PSMC6: variants seen among roughly 807,000 people sequenced by gnomAD.
PSMC6 encodes 26S proteasome regulatory subunit 10B.
In PSMC6, 3 loss-of-function variants were observed where a neutral mutation model predicts 55.9. The ratio of observed to expected loss-of-function variants is 0.05; its 90% CI spans 0.02 to 0.14. The LOEUF (loss-of-function observed/expected upper bound fraction) is 0.14, where lower values mean the gene tolerates loss of function less well. Among genes scored for constraint, PSMC6 ranks in the 10% least tolerant of loss-of-function variants. The probability of loss-of-function intolerance (pLI) is 1.00; values close to 1 mark genes in which losing one functional copy is unlikely to be tolerated. For missense variants in PSMC6, 210 were observed against 478.7 expected, an observed-to-expected ratio of 0.44 and a Z score of 5.24; for synonymous variants, 137 against 155.9, an observed-to-expected ratio of 0.88 and a Z score of 0.90.
chr14:52,721,361 G>C, intron 12 of PSMC6, 171 bp downstream of exon 12: 1 of 548,208 alleles, frequency 1.8e-6, no homozygotes, highest in Non-Finnish European at 3.2e-6. Context: ...CATTGTAAGT[G>C]TTTTGTAAGG....
In PSMC6 at chr14:52,707,419, G is replaced by C. The variant is rs1221273717; in HGVS notation, c.85+115G>C. On this transcript the variant is annotated intron_variant, in intron 1 of 13. Transcript: ENST00000445930. ...GAGCCTTAGAGATGACCAGGCCTAGGGCCAGGGACAAGGCGCTTTGTCATC... is the reference window on the plus strand; with the variant it reads ...GAGCCTTAGAGATGACCAGGCCTAGCGCCAGGGACAAGGCGCTTTGTCATC... 7 of 1,408,944 alleles carry C rather than the reference G, an allele frequency of 5.0e-6. No homozygotes were observed. The African/African-American group carries it at 1.0e-4, about 20-fold the overall frequency. The allele number at this position is 1,408,944 out of a possible 1,614,324, so 87.3% of individuals were successfully genotyped here.
Position 52,707,250 on chromosome 14 carries a change from G to T in PSMC6, c.31G>T (p.Asp11Tyr). The T allele has an allele frequency of 6.2e-7, 1 of 1,614,122 alleles. No individual in the cohort carries two copies. Among genetic ancestry groups the T allele is most frequent in the Non-Finnish European group, 8.5e-7 (1 of 1,180,018 alleles). The change falls in exon 1 of 14, where the codon GAC becomes TAC. Residue 11 changes from aspartate (D) to tyrosine (Y), a missense_variant. Asp to Tyr is a radical substitution (Grantham distance 160). Around this residue, in one of 4 missense-constraint regions of PSMC6, gnomAD observed 26 missense variants for 16.9 expected, o/e 1.54. Transcript: ENST00000445930. MADPRDKALQ[D>Y]YRKKLLEHKE... ...GGACCCTAGAGATAAGGCGCTTCAG[G>T]ACTACCGCAAGAAGTTGCTTGAACA... is the stretch of plus-strand genomic sequence containing the variant.
chr14:52,712,647 G>A (rs1479580729), intron 6 of PSMC6, among the ~76,000 whole-genome samples: 1 of 151,806 alleles, frequency 6.6e-6, no homozygotes. Context: ...TTTTGAGACA[G>A]GGTCTGGTTC....
chr14:52,720,795 A>G, intron 10 of PSMC6, 66 bp from the exon 11 acceptor site: 7 of 1,311,924 alleles, frequency 5.3e-6, no homozygotes, highest in Non-Finnish European at 7.5e-6. Context: ...TTAGACATAT[A>G]AAAGGTGTGT....
Position 52,727,858 on chromosome 14 carries a change from T to C in PSMC6, c.*241T>C. ...AAGTGTTGAAGCTTTTCATATTTGC[T>C]GCGTGAGCATTTTGTAAAATATTGA... is the stretch of plus-strand genomic sequence containing the variant. On this transcript the variant is annotated 3_prime_UTR_variant, in exon 14 of 14. Coordinates refer to ENST00000445930, the MANE Select transcript of PSMC6 (RefSeq NM_002806.5). 1 of 342,354 alleles carries C rather than the reference T, an allele frequency of 2.9e-6. No homozygotes were observed. The highest frequency in any genetic ancestry group is 4.5e-5 in the Admixed American group (1 of 22,046). The allele number at this position is 342,354 out of a possible 1,614,324, so 21.2% of individuals were successfully genotyped here. A position where few individuals can be genotyped will look rare whatever the true frequency, so the allele number is the denominator to read the frequency against.
intron 12 of PSMC6, chr14:52,723,408 C>T (rs1880277200): frequency 1.3e-5 from 2 of 152,902 alleles, no homozygotes; most frequent in Admixed American, 1.3e-4. Context: ...CACTTTATTA[C>T]TGCTACCATA....
chr14:52,724,096 T>C, intron 13 of PSMC6, 60 bp downstream of exon 13: 1 of 1,487,976 alleles, frequency 6.7e-7, no homozygotes, highest in East Asian at 2.3e-5. Flanking sequence ...GCTGAAACTG[T>C]TTTGAGTTTA....
chr14:52,709,035 A>G (rs62005432), intron 4 of PSMC6: 12,566 of 446,346 alleles, frequency 0.028, 229 homozygotes, highest in Middle Eastern at 0.046. Context: ...TGTCTCAGTC[A>G]GATCTGTTAA....
intron 12 of PSMC6, chr14:52,723,739 G>A (rs746332170): frequency 6.8e-5 from 70 of 1,030,482 alleles, no homozygotes; most frequent in Non-Finnish European, 8.9e-5. Context: ...AGATTTTGGT[G>A]ATATTTCCTG....
chr14:52,712,690 T>TCAGCTCACTGCAACCTCTACCTCC (rs1178764720), intron 6 of PSMC6, among the ~76,000 whole-genome samples: 8 of 151,994 alleles, frequency 5.3e-5, no homozygotes, highest in Non-Finnish European at 8.8e-5. Flanking sequence ...TGGTGCAGTC[T>TCAGCTCACTGCAACCTCTACCTCC]CAGCTCACTG....
intron 12 of PSMC6, 25 bp downstream of exon 12, chr14:52,721,215 G>A: frequency 6.8e-7 from 1 of 1,480,146 alleles, no homozygotes; most frequent in Non-Finnish European, 9.1e-7. Flanking sequence ...TATTTTATAT[G>A]TATTTACATT....
At chr14:52,727,450 T>C (rs1036670750) in intron 13 of PSMC6, 49 bp from the exon 14 acceptor site, 5 of 1,161,758 alleles carry the variant, frequency 4.3e-6, no homozygotes, top group Non-Finnish European at 5.0e-6. Context: ...ATAATGAACA[T>C]ATAATTCATA....
chr14:52,709,486 G>C (rs142644548), intron 4 of PSMC6: 117 of 395,804 alleles, frequency 3.0e-4, no homozygotes, highest in African/African-American at 2.4e-3. Flanking sequence ...TCTCCTATTA[G>C]GATTTTGCCT....
chr14:52,718,700 C>A, intron 9 of PSMC6: 1 of 415,930 alleles, frequency 2.4e-6, no homozygotes, highest in South Asian at 2.9e-5. Flanking sequence ...GCACGAGAAT[C>A]GCTTGAACCC....
intron 6 of PSMC6, among the ~76,000 whole-genome samples, chr14:52,711,912 A>G (rs1224629570): frequency 1.3e-5 from 2 of 152,196 alleles, no homozygotes; most frequent in Non-Finnish European, 2.9e-5. Flanking sequence ...CCACTCTTAC[A>G]GAAGAGTAGG....
intron 10 of PSMC6, among the ~76,000 whole-genome samples, chr14:52,719,672 T>A (rs2041867493): frequency 6.6e-6 from 1 of 152,236 alleles, no homozygotes. Context: ...TCATAAATTA[T>A]ACAGATCCGC....
chr14:52,714,071 C>CAAAA, intron 7 of PSMC6, 103 bp downstream of exon 7: 1 of 737,520 alleles, frequency 1.4e-6, no homozygotes, highest in Non-Finnish European at 2.1e-6. Flanking sequence ...GACACGGTCT[C>CAAAA]ACTCTGTTGC....
chr14:52,714,186 G>A (rs1046152992), intron 7 of PSMC6, among the ~76,000 whole-genome samples: 5 of 152,096 alleles, frequency 3.3e-5, no homozygotes, highest in Admixed American at 6.5e-5. Flanking sequence ...GACTGCAGGC[G>A]TGCATCACCA....
intron 4 of PSMC6, chr14:52,710,684 C>G (rs1350918883): frequency 4.7e-6 from 1 of 213,758 alleles, no homozygotes; most frequent in Non-Finnish European, 9.3e-6. Context: ...TCTCTACTCT[C>G]ATGAGCATTT....
Sources: gnomAD v4.1 joint callset for allele counts (sites outside exome capture counted in the v4.1 genomes callset) on GRCh38, gnomAD v4.1.1 for gene constraint, gnomAD v4.1.1 regional missense constraint, MANE v1.5 for transcripts, NCBI Gene and HGNC (gene_info 2026-07-23, HGNC 2026-07-21) for gene names.